SLC2A9: variants seen among roughly 807,000 people sequenced by gnomAD.
The protein encoded by SLC2A9 is solute carrier family 2 member 9.
SLC2A9 carries 39 observed loss-of-function variants against 50.6 expected under a neutral mutation model. That is an observed-to-expected ratio of 0.77 (90% CI 0.60 to 1.01). The LOEUF is 1.01. Among genes scored for constraint, SLC2A9 ranks in the 50% least tolerant of loss-of-function variants. SLC2A9 has a pLI of 0.00. For synonymous variants in SLC2A9, 324 were observed against 276.9 expected (o/e 1.17, Z -1.69); for missense variants, 686 against 677.6 (o/e 1.01, Z -0.14).
At chr4:9,931,689 CT>C (rs1255883302) in intron 6 of SLC2A9, among the ~76,000 whole-genome samples, 2 of 151,958 alleles carry the variant, frequency 1.3e-5, no homozygotes, top group African/African-American at 2.4e-5. Flanking sequence ...GGCTGAGAGG[CT>C]AAGGAGCCAA....
chr4:10,029,579 TTTATTTTATTTTATA>T (rs1189543591), intron 1 of SLC2A9, among the ~76,000 whole-genome samples: 46 of 100,856 alleles, frequency 4.6e-4, no homozygotes, highest in African/African-American at 1.2e-3. Flanking sequence ...ATTTTATATT[TTTATTTTATTTTATA>T]TTATTTTATT....
At chr4:9,887,453 G>T in intron 10 of SLC2A9, 114 bp downstream of exon 10, 1 of 1,010,968 alleles carries the variant, frequency 9.9e-7, no homozygotes, top group Non-Finnish European at 1.4e-6. Flanking sequence ...CACATCCCCA[G>T]TCAGGCTTTG....
chr4:9,802,520 C>A (rs1721566236), intron 3 of SLC2A9, among the ~76,000 whole-genome samples: 1 of 151,140 alleles, frequency 6.6e-6, no homozygotes, highest in Non-Finnish European at 1.5e-5. Context: ...TTAATCTCTT[C>A]CAAAAGGTGA....
At chr4:9,820,725 GT>G (rs1724286277) in intron 3 of SLC2A9, among the ~76,000 whole-genome samples, 1 of 152,094 alleles carries the variant, frequency 6.6e-6, no homozygotes, top group African/African-American at 2.4e-5. Context: ...ACTTTTTTAT[GT>G]TTTAGTTTTT....
At chr4:9,948,817 T>G (rs897443346) in intron 5 of SLC2A9, among the ~76,000 whole-genome samples, 3 of 152,300 alleles carry the variant, frequency 2.0e-5, no homozygotes, top group Admixed American at 1.3e-4. Context: ...TCCAATCAGC[T>G]TCCTGCCCAC....
At chr4:9,883,042 G>GTGA (rs759480588) in intron 10 of SLC2A9, among the ~76,000 whole-genome samples, 1 of 152,116 alleles carries the variant, frequency 6.6e-6, no homozygotes, top group Non-Finnish European at 1.5e-5. Context: ...TTTCATGGAA[G>GTGA]TGATGCATGT....
chr4:9,981,188 A>G (rs372342041), intron 4 of SLC2A9, among the ~76,000 whole-genome samples: 31 of 6,360 alleles, frequency 4.9e-3, no homozygotes, highest in South Asian at 0.028. Flanking sequence ...TGGTGGTGGT[A>G]GTGATGGTCA....
At chr4:9,818,578 G>C (rs948245418) in intron 3 of SLC2A9, among the ~76,000 whole-genome samples, 1 of 152,224 alleles carries the variant, frequency 6.6e-6, no homozygotes, top group Non-Finnish European at 1.5e-5. Context: ...TCCAGGGACA[G>C]GGGGTTTTCA....
At chr4:9,783,089 C>T in intron 3 of SLC2A9, 1 of 1,614,244 alleles carries the variant, frequency 6.2e-7, no homozygotes, top group South Asian at 1.1e-5. Context: ...TAACTCCTCA[C>T]TCAACCCCGT....
At position 9,828,332 on chromosome 4, in the gene SLC2A9, C is replaced by A. The variant is rs372021642; in HGVS notation, c.1420-1732G>T. Among the ~76,000 whole-genome samples, 12 of 152,314 alleles carry A rather than the reference C, an allele frequency of 7.9e-5. No homozygotes were observed. In the East Asian group the frequency reaches 2.3e-3, roughly 29 times the overall value. On this transcript the variant is annotated intron_variant, in intron 11 of 11. Transcript: ENST00000264784. ...TTGGATTTTTGCAATAGCTTGTCAA[C>A]TGATTTCCCTGCTTTTCACTTTAAG...
chr4:10,036,392 C>T (rs1363202418), intron 1 of SLC2A9, among the ~76,000 whole-genome samples: 1 of 152,224 alleles, frequency 6.6e-6, no homozygotes, highest in Non-Finnish European at 1.5e-5. Context: ...TGTCTGATCA[C>T]AGTGCTGAAA....
intron 10 of SLC2A9, chr4:9,880,609 T>C (rs1041692558): frequency 4.1e-6 from 4 of 974,830 alleles, no homozygotes; most frequent in Non-Finnish European, 4.9e-6. Flanking sequence ...CAGGCAGATA[T>C]GCAGATGAGT....
At chr4:9,963,729 G>A (rs1338556677) in intron 5 of SLC2A9, among the ~76,000 whole-genome samples, 1 of 152,212 alleles carries the variant, frequency 6.6e-6, no homozygotes, top group Non-Finnish European at 1.5e-5. Context: ...AAAGGCAGAG[G>A]CTGGGAGGTG....
chr4:9,954,973 G>A (rs749629589), intron 5 of SLC2A9, among the ~76,000 whole-genome samples: 1 of 152,172 alleles, frequency 6.6e-6, no homozygotes. Flanking sequence ...TCAAGCATAT[G>A]CACGAAGAGG....
At chr4:9,937,629 G>A (rs1747328255) in intron 6 of SLC2A9, among the ~76,000 whole-genome samples, 1 of 152,012 alleles carries the variant, frequency 6.6e-6, no homozygotes, top group African/African-American at 2.4e-5. Flanking sequence ...TAGGAGATGG[G>A]GACATCTTTA....
At chr4:9,977,810 C>T (rs1049585946) in intron 5 of SLC2A9, among the ~76,000 whole-genome samples, 1 of 152,160 alleles carries the variant, frequency 6.6e-6, no homozygotes. Flanking sequence ...AATTGCCCTC[C>T]TGTGACCTCC....
At chr4:9,837,866 C>A (rs1914874) in intron 10 of SLC2A9, among the ~76,000 whole-genome samples, 59,532 of 151,928 alleles carry the variant, frequency 0.39, 12,558 homozygotes, top group African/African-American at 0.56. Flanking sequence ...CTTGATCTTC[C>A]CAACCAGAGA....
intron 3 of SLC2A9, among the ~76,000 whole-genome samples, chr4:9,813,504 C>A (rs953431685): frequency 6.6e-6 from 1 of 152,184 alleles, no homozygotes; most frequent in Non-Finnish European, 1.5e-5. Flanking sequence ...TCACAAGGCA[C>A]CCATCACATT....
At chr4:9,941,792 G>A (rs1748178956) in intron 6 of SLC2A9, 121 bp downstream of exon 6, 35 of 1,407,728 alleles carry the variant, frequency 2.5e-5, no homozygotes, top group Non-Finnish European at 3.4e-5. Context: ...CCAGCCCAGT[G>A]CCTGCAAAAA....
Sources: gnomAD v4.1 joint callset for allele counts (sites outside exome capture counted in the v4.1 genomes callset) on GRCh38, gnomAD v4.1.1 for gene constraint, MANE v1.5 for transcripts, NCBI Gene and HGNC (gene_info 2026-07-23, HGNC 2026-07-21) for gene names.